ANKRD26: variants seen among roughly 807,000 people sequenced by gnomAD.
The protein encoded by ANKRD26 is ankyrin repeat domain-containing protein 26.
Under a neutral mutation model 208.7 loss-of-function variants are expected in ANKRD26, and 141 were observed. The observed-to-expected ratio is 0.68, with a 90% CI of 0.59 to 0.78. ANKRD26 has a LOEUF of 0.78. Ranked by LOEUF, ANKRD26 falls within the 30% of genes least tolerant of loss-of-function variation. The pLI, the probability that ANKRD26 is intolerant of heterozygous loss-of-function variation, is 0.00. For synonymous variants in ANKRD26, 636 were observed against 660.4 expected (o/e 0.96, Z 0.57); for missense variants, 1,889 against 1,938.7 (o/e 0.97, Z 0.48).
downstream of ANKRD26, among the ~76,000 whole-genome samples, chr10:26,973,798 C>A (rs2052184237): frequency 1.3e-5 from 2 of 151,608 alleles, no homozygotes; most frequent in Non-Finnish European, 2.9e-5. Flanking sequence ...GGACTGCAGG[C>A]ACACACCACC....
chr10:26,990,765 A>G (rs1398797652), downstream of ANKRD26, among the ~76,000 whole-genome samples: 1 of 152,244 alleles, frequency 6.6e-6, no homozygotes, highest in African/African-American at 2.4e-5. Context: ...GTCAAATATG[A>G]TAGAAGAAAG....
chr10:27,088,905 T>G (rs73596350), intron 4 of ANKRD26, among the ~76,000 whole-genome samples: 7,392 of 152,262 alleles, frequency 0.049, 220 homozygotes, highest in African/African-American at 0.082. Flanking sequence ...ATGGTCTCCA[T>G]ATAAGGTTTT....
exon 5 of ANKRD26, among the ~76,000 whole-genome samples, chr10:26,980,762 G>A (rs1051320852): frequency 1.3e-5 from 2 of 152,174 alleles, no homozygotes; most frequent in African/African-American, 4.8e-5. Context: ...GAGGAAGATG[G>A]TAGGCTAGAG....
At chr10:26,987,803 C>T (rs1054690213), downstream of ANKRD26, among the ~76,000 whole-genome samples, 2 of 152,082 alleles carry the variant, frequency 1.3e-5, no homozygotes, top group Non-Finnish European at 2.9e-5. Flanking sequence ...CAAGAGAATG[C>T]GGTACATAAA....
intron 9 of ANKRD26, among the ~76,000 whole-genome samples, chr10:27,071,022 G>C (rs1008539471): frequency 6.6e-6 from 1 of 151,882 alleles, no homozygotes; most frequent in African/African-American, 2.4e-5. Flanking sequence ...TTCTATAATA[G>C]GTAGTTTATT....
At chr10:27,037,793 T>C in intron 22 of ANKRD26, 78 bp downstream of exon 22, 4 of 1,162,770 alleles carry the variant, frequency 3.4e-6, no homozygotes, top group Non-Finnish European at 4.9e-6. Context: ...CTAGATAACA[T>C]ATATTAAATC....
chr10:27,059,302 C>T (rs1380227127), intron 15 of ANKRD26, among the ~76,000 whole-genome samples: 5 of 152,100 alleles, frequency 3.3e-5, no homozygotes, highest in Admixed American at 6.6e-5. Context: ...AGAACTTAAA[C>T]CAGAGCTACT....
At chr10:27,033,525 G>T in intron 24 of ANKRD26, 148 bp from the exon 25 acceptor site, 1 of 792,624 alleles carries the variant, frequency 1.3e-6, no homozygotes. Flanking sequence ...GTCCTCATAT[G>T]TACACATTGC....
rs530523025 is a variant in ANKRD26, at chr10:27,079,252, T to A, written c.741-91A>T. On this transcript the variant is annotated intron_variant, in intron 6 of 33. Transcript: ENST00000376087. ...TACAATTTTCAATCTGGATGCCCCC[T>A]CCAAAAAAACAAAAACCTGGTGAAA... 2.3e-4 allele frequency: 253 copies of A among 1,106,782 alleles called. No individual in the cohort carries two copies. The African/African-American group carries it at 3.5e-3, about 15-fold the overall frequency. The allele number at this position is 1,106,782 out of a possible 1,614,324, so 68.6% of individuals were successfully genotyped here.
At chr10:26,964,122 T>C in the ANKRD26 span, among the ~76,000 whole-genome samples, 2 of 151,990 alleles carry the variant, frequency 1.3e-5, no homozygotes, top group East Asian at 1.9e-4. Flanking sequence ...TTGGCCAGGC[T>C]GGTCTCAAAC....
chr10:26,986,667 A>T (rs1462299842), intron 3 of ANKRD26, among the ~76,000 whole-genome samples: 1 of 152,240 alleles, frequency 6.6e-6, no homozygotes, highest in Non-Finnish European at 1.5e-5. Context: ...CAGCCAAAAG[A>T]CACATGAAAA....
intron 28 of ANKRD26, among the ~76,000 whole-genome samples, chr10:27,024,008 A>AC (rs1564364148): frequency 1.1e-4 from 17 of 151,686 alleles, no homozygotes; most frequent in Non-Finnish European, 1.8e-4. Context: ...ACACACACAC[A>AC]AAGAGGCAGA....
intron 29 of ANKRD26, among the ~76,000 whole-genome samples, chr10:27,021,969 A>C (rs1028129580): frequency 1.3e-5 from 2 of 152,144 alleles, no homozygotes; most frequent in East Asian, 3.9e-4. Context: ...TAGTTTGCAA[A>C]AATTTTCTCC....
chr10:27,004,098 T>G (rs1589193554), downstream of ANKRD26: 1 of 152,306 alleles, frequency 6.6e-6, no homozygotes, highest in East Asian at 1.9e-4. Context: ...TAAAGAGGCA[T>G]CGTGTCTGCA....
chr10:26,985,081 C>T (rs554065157), intron 3 of ANKRD26, among the ~76,000 whole-genome samples: 30 of 152,186 alleles, frequency 2.0e-4, no homozygotes, highest in Non-Finnish European at 3.1e-4. Context: ...GAAAAAGCTT[C>T]AACCCAGTGG....
chr10:27,087,902 C>CTAGTAGGTA (rs1174987147), intron 4 of ANKRD26, among the ~76,000 whole-genome samples: 6 of 151,978 alleles, frequency 3.9e-5, no homozygotes, highest in Non-Finnish European at 7.4e-5. Flanking sequence ...TGCCTCAGCC[C>CTAGTAGGTA]CACGAGTAGC....
rs539047272 is a variant in ANKRD26, at chr10:27,081,978, T to C, written c.740+825A>G. 1.5e-4 allele frequency among the ~76,000 whole-genome samples: 22 copies of C among 149,570 alleles called. No individual in the cohort carries two copies. The South Asian group carries it at 1.9e-3, about 13-fold the overall frequency. On this transcript the variant is annotated intron_variant, in intron 6 of 33. Coordinates refer to ENST00000376087, the MANE Select transcript of ANKRD26 (RefSeq NM_014915.3). The stretch of plus-strand genomic sequence containing the variant: ...GTCTCGATCTCCTGACTTTGTGATA[T>C]GCCCACCTTGGCCTCCCAAAGTGCT...
chr10:27,030,697 T>G (rs2053836851), intron 25 of ANKRD26: 1 of 577,408 alleles, frequency 1.7e-6, no homozygotes, highest in Admixed American at 6.3e-5. Context: ...AAGTGGTTTC[T>G]ACTTATATTT....
At position 27,014,668 on chromosome 10, in the gene ANKRD26, T is replaced by C. The variant is rs770683922; in HGVS notation, c.4550A>G (p.Asn1517Ser). The C allele has an allele frequency of 1.9e-6, 3 of 1,613,482 alleles. No homozygotes were observed. The highest frequency in any genetic ancestry group is 2.5e-6 in the Non-Finnish European group (3 of 1,179,836). ...CTGACTTTTCATTGAAGCAAAATTATTCTCTCTAAACTGCTCTAAGTTTTC... is the reference window on the plus strand; with the variant it reads ...CTGACTTTTCATTGAAGCAAAATTACTCTCTCTAAACTGCTCTAAGTTTTC... Reference protein sequence around the residue: ...SQENLEQFRENNFASMKSQME... With the variant: ...SQENLEQFRESNFASMKSQME... The change falls in exon 31 of 34, where the codon AAT (asparagine) becomes AGT (serine). Residue 1517 changes from asparagine to serine, a missense_variant. Around this residue, in one of 3 missense-constraint regions of ANKRD26, gnomAD observed 613 missense variants for 648.2 expected, o/e 0.95. Coordinates refer to ENST00000376087, the MANE Select transcript of ANKRD26 (RefSeq NM_014915.3).
Sources: allele counts gnomAD v4.1 joint callset (sites outside exome capture counted in the v4.1 genomes callset), GRCh38; gene constraint gnomAD v4.1.1; regional missense constraint gnomAD v4.1.1; transcripts MANE v1.5; gene names NCBI Gene and HGNC (gene_info 2026-07-23, HGNC 2026-07-21).